Variants in NBPF15 observed in about 807,000 individuals in gnomAD.
The protein encoded by NBPF15 is NBPF member 15, also known as NBPF family member NBPF15.
Under a neutral mutation model 62.2 loss-of-function variants are expected in NBPF15, and 74 were observed. The observed-to-expected ratio is 1.19, with a 90% CI of 0.99 to 1.44. NBPF15 has a LOEUF of 1.44. Ranked by LOEUF, NBPF15 falls within the 40% of genes most tolerant of loss-of-function variation. The pLI is 0.00. For synonymous variants in NBPF15, 244 were observed against 209.7 expected (o/e 1.16, Z -1.41); for missense variants, 790 against 550.0 (o/e 1.44, Z -4.36).
intron 13 of NBPF15, among the ~76,000 whole-genome samples, chr1:144,431,583 C>T (rs1259739835): frequency 2.8e-5 from 4 of 142,956 alleles, no homozygotes; most frequent in African/African-American, 5.2e-5. Flanking sequence ...CATTGGTGTG[C>T]TTCACCCATT....
rs150839897 is a variant in NBPF15, at chr1:144,460,026, C to CTTTTTTTTTTTTT, written c.-818-556_-818-544dup. ...ACTTGGTAAAAATTCATTACCTGTA[C>CTTTTTTTTTTTTT]TTTTTTTTTTTTTTTTTTTTTTTTT... On this transcript the variant is annotated intron_variant, in intron 2 of 21. Transcript: ENST00000581897. Among the ~76,000 whole-genome samples the CTTTTTTTTTTTTT allele has an allele frequency of 4.1e-4, 8 of 19,558 alleles. 3 individuals are homozygous for CTTTTTTTTTTTTT. The highest frequency in any genetic ancestry group is 4.3e-3 in the South Asian group (2 of 464). The allele number at this position is 19,558 out of a possible 152,430, so 12.8% of individuals were successfully genotyped here.
intron 4 of NBPF15, among the ~76,000 whole-genome samples, chr1:144,456,033 G>A (rs1647386786): frequency 6.6e-6 from 1 of 151,916 alleles, no homozygotes; most frequent in African/African-American, 2.4e-5. Context: ...TGGCAACTGA[G>A]CCATGTTTCC....
At chr1:144,438,827 A>C (rs1408699430) in intron 8 of NBPF15, among the ~76,000 whole-genome samples, 1 of 151,942 alleles carries the variant, frequency 6.6e-6, no homozygotes, top group East Asian at 1.9e-4. Flanking sequence ...CCCAGTAGAC[A>C]GGCCCACAGT....
At chr1:144,429,364 T>C (rs1234286549) in intron 14 of NBPF15, among the ~76,000 whole-genome samples, 2 of 151,106 alleles carry the variant, frequency 1.3e-5, no homozygotes, top group African/African-American at 2.5e-5. Flanking sequence ...GCAAGAGACA[T>C]TTAATTCAGA....
In NBPF15 at chr1:144,453,172, C is replaced by A. The variant is rs1405151609; in HGVS notation, c.-431-2302G>T. ...GATGCATGGAAAAGAATACGGAGCC[C>A]AGAAGCAGGCCTACATACAGTCCAC... On this transcript the variant is annotated intron_variant, in intron 4 of 21. Transcript: ENST00000581897. Among the ~76,000 whole-genome samples, 6 of 148,396 alleles carry A rather than the reference C, an allele frequency of 4.0e-5. No individual in the cohort carries two copies. In the South Asian group the frequency reaches 1.3e-3, roughly 33 times the overall value.
intron 13 of NBPF15, among the ~76,000 whole-genome samples, chr1:144,431,437 C>A (rs1320355788): frequency 1.3e-5 from 2 of 149,350 alleles, no homozygotes; most frequent in African/African-American, 5.1e-5. Flanking sequence ...TTTTTTTTTC[C>A]ATATGTATAG....
rs1203432399 is a variant in NBPF15 at position 144,444,269 on chromosome 1, GA to G, written c.-190-3975del. Among the ~76,000 whole-genome samples, 117 of 130,518 alleles carry G rather than the reference GA, an allele frequency of 9.0e-4. 1 individual carries two copies. The highest frequency in any genetic ancestry group is 4.2e-3 in the Middle Eastern group (1 of 238). 85.6% of individuals were successfully genotyped at this position (130,518 alleles called of 152,430 possible). ...GAGTGGTTCAATTAAATATTAAGAG[GA>G]AAAAAAAAAAAAGAAGCCAGTGCCC... is the stretch of plus-strand genomic sequence containing the variant. On this transcript the variant is annotated intron_variant, in intron 6 of 21. Transcript: ENST00000581897.
At chr1:144,447,732 G>T (rs1353492609) in intron 6 of NBPF15, among the ~76,000 whole-genome samples, 2 of 152,044 alleles carry the variant, frequency 1.3e-5, no homozygotes, top group South Asian at 4.1e-4. Context: ...ACTCAACCAG[G>T]AGTCAAGATA....
At chr1:144,444,313 T>A (rs1571146425) in intron 6 of NBPF15, among the ~76,000 whole-genome samples, 1 of 148,484 alleles carries the variant, frequency 6.7e-6, no homozygotes, top group Non-Finnish European at 1.5e-5. Flanking sequence ...AAGGCTGGAA[T>A]GTAACAAAAG....
rs1488721383 is a variant in NBPF15, at chr1:144,440,252, T to C, written c.-147A>G. 3 of 1,513,232 alleles carry C rather than the reference T, an allele frequency of 2.0e-6. No individual in the cohort carries two copies. Among genetic ancestry groups the C allele is most frequent in the Non-Finnish European group, 2.7e-6 (3 of 1,128,294 alleles). The allele number at this position is 1,513,232 out of a possible 1,614,324, so 93.7% of individuals were successfully genotyped here. ...AAAGCACTGTCAGTAGCGCAGACTC[T>C]GATAAGAGTGAGGTAGATTGTGGCC... On this transcript the variant is annotated 5_prime_UTR_variant, in exon 7 of 22. Transcript: ENST00000581897.
chr1:144,431,373 C>T (rs1674121828), intron 13 of NBPF15, among the ~76,000 whole-genome samples: 1 of 150,100 alleles, frequency 6.7e-6, no homozygotes, highest in African/African-American at 2.5e-5. Context: ...AGTAGCAGAT[C>T]TCTTGGCACA....
intron 4 of NBPF15, among the ~76,000 whole-genome samples, chr1:144,453,512 G>A (rs1487354064): frequency 6.6e-6 from 1 of 151,462 alleles, no homozygotes; most frequent in Non-Finnish European, 1.5e-5. Context: ...TCTGTTCTGT[G>A]AAAGACACTG....
intron 6 of NBPF15, among the ~76,000 whole-genome samples, chr1:144,445,767 C>G (rs1294480555): frequency 6.6e-6 from 1 of 151,058 alleles, no homozygotes; most frequent in Non-Finnish European, 1.5e-5. Flanking sequence ...GTTTATCTCC[C>G]CACTAATTTA....
chr1:144,440,070 T>C, intron 7 of NBPF15, 32 bp from the exon 8 acceptor site: 3 of 1,572,132 alleles, frequency 1.9e-6, no homozygotes, highest in Non-Finnish European at 2.6e-6. Flanking sequence ...ATATGATGGG[T>C]TAAAAACTGG....
chr1:144,423,161 G>T lies in NBPF15; in HGVS notation c.1865C>A (p.Pro622His). The T allele has an allele frequency of 3.1e-6, 5 of 1,611,468 alleles. 1 individual carries two copies. Among genetic ancestry groups the T allele is most frequent in the Non-Finnish European group, 4.2e-6 (5 of 1,179,626 alleles). ...ACTTCTGTAGTGCTGGAATGAGTCA[G>T]GTTGTTCAAAGTACATTGACGGAGT... ...YSTPSMYFEQPDSFQHYRSVF... is the reference protein window; with the variant it reads ...YSTPSMYFEQHDSFQHYRSVF... The change falls in exon 22 of 22, where the codon CCT (proline) becomes CAT (histidine). Residue 622 changes from proline to histidine, a missense_variant. Transcript: ENST00000581897.
Position 144,423,519 on chromosome 1 carries a change from T to A in NBPF15, c.1770-263A>T, listed in dbSNP as rs587617513. Among the ~76,000 whole-genome samples the A allele has an allele frequency of 1.1e-4, 17 of 151,814 alleles. 1 individual carries two copies. In the South Asian group the frequency reaches 2.7e-3, roughly 24 times the overall value. The stretch of plus-strand genomic sequence containing the variant: ...CTAGTGAATTGCCCAGGTGACATAC[T>A]GGTAAGGGAGTAAAAGGACACTCTG... On this transcript the variant is annotated intron_variant, in intron 21 of 21. Coordinates refer to ENST00000581897, the MANE Select transcript of NBPF15 (RefSeq NM_001385408.1).
At chr1:144,432,838 C>T (rs1553540442) in intron 13 of NBPF15, among the ~76,000 whole-genome samples, 1 of 151,970 alleles carries the variant, frequency 6.6e-6, no homozygotes, top group East Asian at 1.9e-4. Flanking sequence ...GAGATTTAGA[C>T]TCCACACAAT....
chr1:144,437,448 C>A lies in NBPF15; in HGVS notation c.279-339G>T, dbSNP rs1247619984. ...TTTCCATGTGAAAATACACATAGTG[C>A]ATCTTGCGGCCACTAGATACAAAGC... On this transcript the variant is annotated intron_variant, in intron 9 of 21. Coordinates refer to ENST00000581897, the MANE Select transcript of NBPF15 (RefSeq NM_001385408.1). Among the ~76,000 whole-genome samples, 5 of 145,194 alleles carry A rather than the reference C, an allele frequency of 3.4e-5. No individual in the cohort carries two copies. The South Asian group carries it at 9.6e-4, about 28-fold the overall frequency.
At chr1:144,433,166 T>C (rs1381846771) in intron 13 of NBPF15, among the ~76,000 whole-genome samples, 24 of 151,962 alleles carry the variant, frequency 1.6e-4, no homozygotes, top group African/African-American at 5.6e-4. Flanking sequence ...ACCGCACAAC[T>C]ACATGGAAAC....
Sources: allele counts gnomAD v4.1 joint callset (sites outside exome capture counted in the v4.1 genomes callset), GRCh38; gene constraint gnomAD v4.1.1; transcripts MANE v1.5; gene names NCBI Gene and HGNC (gene_info 2026-07-23, HGNC 2026-07-21).